Variants in HS3ST4 observed in about 807,000 individuals in gnomAD.
HS3ST4 encodes the protein heparan sulfate-glucosamine 3-sulfotransferase 4.
A neutral mutation model predicts 29.2 loss-of-function variants in HS3ST4; 17 were observed. The ratio of observed to expected loss-of-function variants is 0.58; its 90% CI spans 0.40 to 0.87. HS3ST4 has a LOEUF of 0.87. Among genes scored for constraint, HS3ST4 ranks in the 40% least tolerant of loss-of-function variants. HS3ST4 has a pLI of 0.00. For missense variants in HS3ST4, 627 were observed against 634.5 expected, an observed-to-expected ratio of 0.99 and a Z score of 0.13; for synonymous variants, 314 against 285.7, an observed-to-expected ratio of 1.10 and a Z score of -1.00.
intron 1 of HS3ST4, among the ~76,000 whole-genome samples, chr16:25,990,600 G>C (rs562746612): frequency 1.3e-5 from 2 of 152,346 alleles, no homozygotes; most frequent in South Asian, 4.1e-4. Context: ...GCCAGGCACA[G>C]TGCTAAGTGA....
chr16:25,945,149 C>G (rs536828772), intron 1 of HS3ST4, among the ~76,000 whole-genome samples: 33 of 152,208 alleles, frequency 2.2e-4, no homozygotes, highest in African/African-American at 7.5e-4. Flanking sequence ...CCATCTCCTA[C>G]ATGCTTACAA....
intron 1 of HS3ST4, among the ~76,000 whole-genome samples, chr16:25,820,432 G>A (rs1967138447): frequency 6.6e-6 from 1 of 151,960 alleles, no homozygotes; most frequent in African/African-American, 2.4e-5. Context: ...TTTCTCTTGT[G>A]GTCCAGGCTA....
chr16:25,806,687 T>G (rs992869295), intron 1 of HS3ST4, among the ~76,000 whole-genome samples: 8 of 152,186 alleles, frequency 5.3e-5, no homozygotes, highest in African/African-American at 1.7e-4. Context: ...TAGCATACAT[T>G]CCTCATGCAG....
At chr16:25,959,252 C>T (rs568360384) in intron 1 of HS3ST4, among the ~76,000 whole-genome samples, 15 of 152,152 alleles carry the variant, frequency 9.9e-5, no homozygotes, top group East Asian at 3.9e-4. Context: ...AACTGGTTGC[C>T]GAAAGTTGGG....
At chr16:25,931,707 G>T (rs1447914379) in intron 1 of HS3ST4, among the ~76,000 whole-genome samples, 1 of 152,214 alleles carries the variant, frequency 6.6e-6, no homozygotes, top group African/African-American at 2.4e-5. Context: ...ATTCTGTTTG[G>T]TGGGAAGCAG....
chr16:26,063,884 C>A (rs1898510586), intron 1 of HS3ST4, among the ~76,000 whole-genome samples: 1 of 152,112 alleles, frequency 6.6e-6, no homozygotes, highest in African/African-American at 2.4e-5. Flanking sequence ...TGCCACAAAG[C>A]CGTGGGTAAC....
chr16:25,999,828 A>T (rs993249653), intron 1 of HS3ST4, among the ~76,000 whole-genome samples: 7 of 129,512 alleles, frequency 5.4e-5, no homozygotes, highest in Admixed American at 1.8e-4. Flanking sequence ...ATATATATTT[A>T]TATATTATAT....
At chr16:25,800,998 C>T (rs181909493) in intron 1 of HS3ST4, among the ~76,000 whole-genome samples, 13 of 152,202 alleles carry the variant, frequency 8.5e-5, no homozygotes, top group East Asian at 7.7e-4. Flanking sequence ...TTGTTACAGC[C>T]GCGTGAACAG....
At chr16:25,768,054 G>T (rs964521061) in intron 1 of HS3ST4, among the ~76,000 whole-genome samples, 5 of 152,128 alleles carry the variant, frequency 3.3e-5, no homozygotes, top group Non-Finnish European at 5.9e-5. Context: ...GGGGTGGCAG[G>T]GGAGTGCGGG....
chr16:25,903,302 G>GTGTATATGTATATGTGTATATTATATACA (rs151301516), intron 1 of HS3ST4, among the ~76,000 whole-genome samples: 1 of 103,500 alleles, frequency 9.7e-6, no homozygotes, highest in Non-Finnish European at 2.0e-5. Context: ...GTGTGTGTGT[G>GTGTATATGTATATGTGTATATTATATACA]TATGTATATG....
intron 1 of HS3ST4, among the ~76,000 whole-genome samples, chr16:25,713,591 CCT>C (rs1966431751): frequency 6.6e-6 from 1 of 152,130 alleles, no homozygotes; most frequent in Non-Finnish European, 1.5e-5. Context: ...ACACAAAAGG[CCT>C]TGGTTCCTTG....
chr16:26,002,706 GGGAA>G (rs1457710543), intron 1 of HS3ST4, among the ~76,000 whole-genome samples: 24 of 132,490 alleles, frequency 1.8e-4, no homozygotes, highest in Admixed American at 7.8e-4. Flanking sequence ...GAAGGAAGAA[GGGAA>G]GGAAGGAAGG....
At chr16:25,908,851 G>T (rs755897694) in intron 1 of HS3ST4, among the ~76,000 whole-genome samples, 1 of 152,226 alleles carries the variant, frequency 6.6e-6, no homozygotes, top group Non-Finnish European at 1.5e-5. Flanking sequence ...GTCCAACCAG[G>T]TGGTCTTGGC....
At chr16:25,767,057 C>G (rs1180264057) in intron 1 of HS3ST4, among the ~76,000 whole-genome samples, 2 of 152,076 alleles carry the variant, frequency 1.3e-5, no homozygotes, top group Non-Finnish European at 2.9e-5. Context: ...ATAAATGTAC[C>G]TTAAGAAGTT....
intron 1 of HS3ST4, among the ~76,000 whole-genome samples, chr16:26,104,025 T>A (rs1899020391): frequency 6.6e-6 from 1 of 152,190 alleles, no homozygotes; most frequent in Non-Finnish European, 1.5e-5. Flanking sequence ...AAATGTTTTT[T>A]TAAAACACTG....
At chr16:25,859,118 AG>A (rs1406084649) in intron 1 of HS3ST4, among the ~76,000 whole-genome samples, 1 of 152,172 alleles carries the variant, frequency 6.6e-6, no homozygotes, top group Admixed American at 6.5e-5. Flanking sequence ...GGAGGGAGAA[AG>A]CAGACACTTG....
At chr16:25,773,254 G>A (rs1966844517) in intron 1 of HS3ST4, among the ~76,000 whole-genome samples, 1 of 152,128 alleles carries the variant, frequency 6.6e-6, no homozygotes, top group South Asian at 2.1e-4. Context: ...TGACTTCTGT[G>A]TTCCTCAGCT....
At chr16:25,755,932 A>G (rs897550575) in intron 1 of HS3ST4, among the ~76,000 whole-genome samples, 1 of 152,142 alleles carries the variant, frequency 6.6e-6, no homozygotes, top group African/African-American at 2.4e-5. Context: ...TCCTTGACTT[A>G]TGTCTTCATC....
intron 1 of HS3ST4, among the ~76,000 whole-genome samples, chr16:25,816,808 C>T (rs1323828772): frequency 6.6e-6 from 1 of 152,116 alleles, no homozygotes; most frequent in East Asian, 1.9e-4. Flanking sequence ...GGGTTCTCTC[C>T]CCAGAGTCCC....
Sources: allele counts gnomAD v4.1 joint callset (sites outside exome capture counted in the v4.1 genomes callset), GRCh38; gene constraint gnomAD v4.1.1; transcripts MANE v1.5; gene names NCBI Gene and HGNC (gene_info 2026-07-23, HGNC 2026-07-21).